ABCC4: variants seen among roughly 807,000 people sequenced by gnomAD.
ABCC4 encodes the protein ATP binding cassette subfamily C member 4 (PEL blood group), also known as ATP-binding cassette sub-family C member 4.
In ABCC4, 102 loss-of-function variants were observed where a neutral mutation model predicts 168.5. That is an observed-to-expected ratio of 0.61 (90% confidence interval 0.52 to 0.71). The LOEUF is 0.71. ABCC4 is among the 30% of genes least tolerant of loss of function. The pLI is 0.00. For missense variants in ABCC4, 1,402 were observed against 1,605.8 expected (o/e 0.87, Z 2.17); for synonymous variants, 617 against 590.7 (o/e 1.04, Z -0.65).
intron 19 of ABCC4, among the ~76,000 whole-genome samples, chr13:95,119,816 T>C (rs2035501505): frequency 6.6e-6 from 1 of 152,192 alleles, no homozygotes; most frequent in Non-Finnish European, 1.5e-5. Context: ...ATAAAACTCA[T>C]CCATTTCAGG....
intron 9 of ABCC4, among the ~76,000 whole-genome samples, chr13:95,188,830 G>A (rs953497884): frequency 5.3e-5 from 8 of 152,224 alleles, no homozygotes; most frequent in Admixed American, 3.3e-4. Context: ...TAGTAAAAAT[G>A]ACAAGACAAG....
intron 19 of ABCC4, among the ~76,000 whole-genome samples, chr13:95,141,441 A>C (rs1211801754): frequency 6.6e-6 from 1 of 152,230 alleles, no homozygotes; most frequent in African/African-American, 2.4e-5. Flanking sequence ...CAAAAGTCAA[A>C]GAATTTAAGA....
At chr13:95,063,539 A>G (rs771200154) in intron 25 of ABCC4, among the ~76,000 whole-genome samples, 16 of 152,232 alleles carry the variant, frequency 1.1e-4, no homozygotes, top group Non-Finnish European at 1.8e-4. Flanking sequence ...TAGCCAAAAA[A>G]CACATAATGA....
At chr13:95,056,114 C>G (rs2033043778) in intron 26 of ABCC4, among the ~76,000 whole-genome samples, 1 of 152,094 alleles carries the variant, frequency 6.6e-6, no homozygotes, top group South Asian at 2.1e-4. Flanking sequence ...GGGACCAAGA[C>G]AAAAATCGCA....
At chr13:95,166,023 C>T in intron 15 of ABCC4, 135 bp downstream of exon 15, 1 of 824,086 alleles carries the variant, frequency 1.2e-6, no homozygotes, top group Non-Finnish European at 1.9e-6. Context: ...CTACCAATAT[C>T]ATGGAATAGA....
chr13:95,279,940 G>A (rs2041072763), intron 1 of ABCC4, among the ~76,000 whole-genome samples: 1 of 152,016 alleles, frequency 6.6e-6, no homozygotes, highest in African/African-American at 2.4e-5. Context: ...CCTACTCAAG[G>A]ACCCACCACA....
chr13:95,067,516 G>C (rs919961932), intron 25 of ABCC4, among the ~76,000 whole-genome samples: 1 of 152,090 alleles, frequency 6.6e-6, no homozygotes, highest in Non-Finnish European at 1.5e-5. Context: ...TGCAGGGGCA[G>C]GAGTGGGGGT....
At chr13:95,217,237 A>T (rs949939447) in intron 4 of ABCC4, among the ~76,000 whole-genome samples, 4 of 152,164 alleles carry the variant, frequency 2.6e-5, no homozygotes, top group Non-Finnish European at 5.9e-5. Flanking sequence ...AAAAATATAA[A>T]CTGTTTCTTC....
intron 25 of ABCC4, among the ~76,000 whole-genome samples, chr13:95,064,605 G>A (rs981389217): frequency 2.6e-5 from 4 of 151,928 alleles, no homozygotes; most frequent in Admixed American, 2.6e-4. Context: ...TTGAGAATGT[G>A]TGGACACTCA....
chr13:95,191,849 A>T (rs2139635357), intron 9 of ABCC4, among the ~76,000 whole-genome samples: 1 of 152,330 alleles, frequency 6.6e-6, no homozygotes, highest in Admixed American at 6.5e-5. Flanking sequence ...TGCAAAACCC[A>T]GCTTCCCATC....
rs1555305415 is a variant in ABCC4 at position 95,053,988 on chromosome 13, A to AAT, written c.3367-805_3367-804insAT. On this transcript the variant is annotated intron_variant, in intron 26 of 30. Coordinates refer to ENST00000645237, the MANE Select transcript of ABCC4 (RefSeq NM_005845.5). ...GCAAAACTCCTTCTCAAAAAAAAAA[A>AAT]AAAAAATCTCTCCAATGTCAGAATG... The AAT allele has an allele frequency of 4.0e-5, 6 of 148,360 alleles. 1 individual carries two copies. Among genetic ancestry groups the AAT allele is most frequent in the Non-Finnish European group, 8.9e-5 (6 of 67,466 alleles). The allele number at this position is 148,360 out of a possible 1,614,324, so 9.2% of individuals were successfully genotyped here. A position where few individuals can be genotyped will look rare whatever the true frequency, so the allele number is the denominator to read the frequency against.
chr13:95,288,068 T>TAAATA (rs34404603), intron 1 of ABCC4, among the ~76,000 whole-genome samples: 1 of 151,820 alleles, frequency 6.6e-6, no homozygotes, highest in Non-Finnish European at 1.5e-5. Context: ...AATAAATAAA[T>TAAATA]ATTTTATAAT....
chr13:95,138,940 C>T (rs2139473675), intron 19 of ABCC4, among the ~76,000 whole-genome samples: 1 of 152,344 alleles, frequency 6.6e-6, no homozygotes, highest in Admixed American at 6.5e-5. Context: ...ACCCCAACCA[C>T]CCATCCCCAT....
intron 29 of ABCC4, among the ~76,000 whole-genome samples, chr13:95,036,772 T>C (rs2032138974): frequency 6.6e-6 from 1 of 152,052 alleles, no homozygotes. Flanking sequence ...CTCTTTAATA[T>C]TTTTTTGATA....
intron 30 of ABCC4, among the ~76,000 whole-genome samples, chr13:95,022,045 G>T (rs1178213282): frequency 1.3e-5 from 2 of 152,146 alleles, no homozygotes; most frequent in Admixed American, 6.5e-5. Flanking sequence ...CTGCATGAGG[G>T]TTTCTCATTT....
At position 95,196,655 on chromosome 13, in the gene ABCC4, AG is replaced by A. The variant is rs1314044557; in HGVS notation, c.1162-1719del. Among the ~76,000 whole-genome samples, 32 of 33,626 alleles carry A rather than the reference AG, an allele frequency of 9.5e-4. 4 individuals carry two copies. Among genetic ancestry groups the A allele is most frequent in the Non-Finnish European group, 1.3e-3 (23 of 17,758 alleles). The allele number at this position is 33,626 out of a possible 152,430, so 22.1% of individuals were successfully genotyped here. On this transcript the variant is annotated intron_variant, in intron 8 of 30. Transcript: ENST00000645237. ...AAGGAAGGAAGGAAGGAAGGAAGGA[AG>A]GAAGGAAGGAAGGAAGGAAGGAAGG...
intron 19 of ABCC4, among the ~76,000 whole-genome samples, chr13:95,160,198 C>A (rs2037046390): frequency 6.6e-6 from 1 of 152,184 alleles, no homozygotes; most frequent in South Asian, 2.1e-4. Context: ...ACAGCATCTG[C>A]TTGGAGACTT....
intron 1 of ABCC4, among the ~76,000 whole-genome samples, chr13:95,300,364 A>G (rs2041643794): frequency 1.3e-5 from 2 of 151,940 alleles, no homozygotes; most frequent in Non-Finnish European, 1.5e-5. Flanking sequence ...TGGAAGTGAA[A>G]GTATTGGAAA....
chr13:95,224,974 T>G (rs2039413518), intron 4 of ABCC4, among the ~76,000 whole-genome samples: 1 of 152,104 alleles, frequency 6.6e-6, no homozygotes, highest in Admixed American at 6.6e-5. Flanking sequence ...AAATAAACCT[T>G]AAGCACAAAT....
Sources: gnomAD v4.1 joint callset for allele counts (sites outside exome capture counted in the v4.1 genomes callset) on GRCh38, gnomAD v4.1.1 for gene constraint, MANE v1.5 for transcripts, NCBI Gene and HGNC (gene_info 2026-07-23, HGNC 2026-07-21) for gene names.